SHISAL1: variants seen among roughly 807,000 people sequenced by gnomAD.
SHISAL1 encodes the protein protein shisa-like-1.
A neutral mutation model predicts 22.6 loss-of-function variants in SHISAL1; 9 were observed. The observed-to-expected ratio is 0.40, with a 90% CI of 0.24 to 0.70. The LOEUF (loss-of-function observed/expected upper bound fraction) is 0.70. Among genes scored for constraint, SHISAL1 ranks in the 30% least tolerant of loss-of-function variants. The probability of loss-of-function intolerance (pLI) is 0.39; values close to 1 mark genes in which losing one functional copy is unlikely to be tolerated. For missense variants in SHISAL1, 246 were observed against 270.6 expected, an observed-to-expected ratio of 0.91 and a Z score of 0.64; for synonymous variants, 119 against 115.4, an observed-to-expected ratio of 1.03 and a Z score of -0.20.
At chr22:44,278,866 C>T (rs562105467) in intron 4 of SHISAL1, among the ~76,000 whole-genome samples, 7 of 152,222 alleles carry the variant, frequency 4.6e-5, no homozygotes, top group Admixed American at 3.3e-4. Context: ...GTAGCCTGCA[C>T]TCTGGGGAGT....
chr22:44,274,662 C>T (rs777197046), intron 4 of SHISAL1, among the ~76,000 whole-genome samples: 3 of 152,138 alleles, frequency 2.0e-5, no homozygotes, highest in Non-Finnish European at 4.4e-5. Context: ...CGGGTAAAAT[C>T]GCAGGGTCAT....
intron 3 of SHISAL1, among the ~76,000 whole-genome samples, chr22:44,292,004 C>T (rs1247580226): frequency 6.6e-6 from 1 of 152,234 alleles, no homozygotes; most frequent in Non-Finnish European, 1.5e-5. Flanking sequence ...GGGCATCTCG[C>T]CGTGGTAGTG....
chr22:44,256,230 C>T (rs77747099), intron 4 of SHISAL1, among the ~76,000 whole-genome samples: 9,404 of 124,132 alleles, frequency 0.076, 342 homozygotes, highest in East Asian at 0.1. Flanking sequence ...CTCAGGCCCT[C>T]GACTCACACC....
chr22:44,320,854 G>A, the SHISAL1 span, among the ~76,000 whole-genome samples: 1 of 152,216 alleles, frequency 6.6e-6, no homozygotes, highest in Admixed American at 6.5e-5. Context: ...AGCTGAACTA[G>A]CCAGCACTGT....
chr22:44,303,980 G>T (rs865893131), intron 1 of SHISAL1, among the ~76,000 whole-genome samples: 6 of 152,230 alleles, frequency 3.9e-5, no homozygotes, highest in African/African-American at 1.4e-4. Flanking sequence ...TGAACATGCA[G>T]TGCAGGGATC....
At chr22:44,327,326 T>C in the SHISAL1 span, among the ~76,000 whole-genome samples, 1 of 151,988 alleles carries the variant, frequency 6.6e-6, no homozygotes, top group African/African-American at 2.4e-5. Context: ...TCTGACGCTT[T>C]CAGAGGCACT....
Position 44,306,804 on chromosome 22 carries a change from A to G in SHISAL1, c.-32-5827T>C, listed in dbSNP as rs1391305351. On this transcript the variant is annotated intron_variant, in intron 1 of 4. Transcript: ENST00000381176. ...GGGGACCTGGGCTCGGGGAATTGTG[A>G]TGACGACGGCGTGTGTGGAGGGGAC... 8.9e-4 allele frequency among the ~76,000 whole-genome samples: 124 copies of G among 139,208 alleles called. 1 individual carries two copies. Among genetic ancestry groups the G allele is most frequent in the African/African-American group, 3.2e-3 (115 of 36,160 alleles). The allele number at this position is 139,208 out of a possible 152,430, so 91.3% of individuals were successfully genotyped here. A position where few individuals can be genotyped will look rare whatever the true frequency, so the allele number is the denominator to read the frequency against.
intron 2 of SHISAL1, among the ~76,000 whole-genome samples, chr22:44,299,044 G>C (rs115310980): frequency 0.011 from 1,727 of 152,334 alleles, 40 homozygotes; most frequent in African/African-American, 0.04. Context: ...CTCCAAGGCG[G>C]GCTGGGGGCT....
rs2055021716 is a variant in SHISAL1 at position 44,248,377 on chromosome 22, T to G, written c.*1308A>C. ...TTTGGTATCACTAACACCCATGGAA[T>G]GAGTGTGTCTACACTGGCAGCATGG... On this transcript the variant is annotated 3_prime_UTR_variant, in exon 5 of 5. Transcript: ENST00000381176. 6.9e-6 allele frequency: 1 copy of G among 145,756 alleles called. No individual in the cohort carries two copies. Among genetic ancestry groups the G allele is most frequent in the South Asian group, 2.1e-4 (1 of 4,826 alleles). The allele number at this position is 145,756 out of a possible 1,614,324, so 9.0% of individuals were successfully genotyped here.
In SHISAL1 at chr22:44,245,341, GT is replaced by G. The variant is rs2054990392; in HGVS notation, c.*4343del. ...CTTCTTACCTACCTACCTAGACAGA[GT>G]CTCACTCTGTTGCCCAGGCTGGAGT... On this transcript the variant is annotated 3_prime_UTR_variant, in exon 5 of 5. Coordinates refer to ENST00000381176, the MANE Select transcript of SHISAL1 (RefSeq NM_001099294.2). 6.6e-6 allele frequency: 1 copy of G among 152,268 alleles called. No homozygotes were observed. The highest frequency in any genetic ancestry group is 6.5e-5 in the Admixed American group (1 of 15,276). 9.4% of individuals were successfully genotyped at this position (152,268 alleles called of 1,614,324 possible).
chr22:44,292,269 G>A (rs2055358183), intron 3 of SHISAL1, among the ~76,000 whole-genome samples: 1 of 152,172 alleles, frequency 6.6e-6, no homozygotes, highest in African/African-American at 2.4e-5. Context: ...GAGTCACATT[G>A]TCCTAGTCCA....
intron 4 of SHISAL1, among the ~76,000 whole-genome samples, chr22:44,269,470 A>ACG (rs68034933): frequency 1.3e-5 from 1 of 79,756 alleles, no homozygotes; most frequent in South Asian, 4.3e-4. Flanking sequence ...CGCCCACAAC[A>ACG]CGCGCACACA....
chr22:44,311,604 C>G (rs370134573), intron 1 of SHISAL1, among the ~76,000 whole-genome samples: 1 of 152,226 alleles, frequency 6.6e-6, no homozygotes, highest in South Asian at 2.1e-4. Context: ...AAGTAGGCAC[C>G]ACTGTGATCC....
intron 1 of SHISAL1, among the ~76,000 whole-genome samples, chr22:44,312,407 A>G (rs2055526044): frequency 6.6e-6 from 1 of 151,948 alleles, no homozygotes; most frequent in East Asian, 1.9e-4. Flanking sequence ...CTTCTCTCCA[A>G]CCCCTCTCTA....
chr22:44,263,933 T>C (rs1327441999), intron 4 of SHISAL1, among the ~76,000 whole-genome samples: 2 of 152,196 alleles, frequency 1.3e-5, no homozygotes, highest in Non-Finnish European at 2.9e-5. Context: ...TACGGGACAC[T>C]CACACAATAC....
At chr22:44,307,577 C>G (rs2055488206) in intron 1 of SHISAL1, among the ~76,000 whole-genome samples, 1 of 152,172 alleles carries the variant, frequency 6.6e-6, no homozygotes, top group Non-Finnish European at 1.5e-5. Context: ...CAACAAAACT[C>G]AAACAACTGG....
intron 2 of SHISAL1, 53 bp downstream of exon 2, chr22:44,300,826 G>C (rs1282352796): frequency 6.7e-7 from 1 of 1,489,750 alleles, no homozygotes; most frequent in African/African-American, 1.4e-5. Flanking sequence ...ATCTCAGGAA[G>C]AGCCCACACC....
intron 4 of SHISAL1, among the ~76,000 whole-genome samples, chr22:44,251,521 T>A (rs929013271): frequency 2.0e-4 from 30 of 152,214 alleles, no homozygotes; most frequent in African/African-American, 6.8e-4. Context: ...ACGCTGCTAA[T>A]AGACATACCC....
chr22:44,269,617 A>C (rs1257071393), intron 4 of SHISAL1, among the ~76,000 whole-genome samples: 5 of 150,104 alleles, frequency 3.3e-5, no homozygotes, highest in Admixed American at 6.6e-5. Context: ...ACACAGACCC[A>C]CACAATATAC....
Sources: allele counts gnomAD v4.1 joint callset (sites outside exome capture counted in the v4.1 genomes callset), GRCh38; gene constraint gnomAD v4.1.1; transcripts MANE v1.5; gene names NCBI Gene and HGNC (gene_info 2026-07-23, HGNC 2026-07-21).